Variants in SORCS3 observed in about 807,000 individuals in gnomAD.
The protein encoded by SORCS3 is sortilin related VPS10 domain containing receptor 3, also known as VPS10 domain-containing receptor SorCS3.
A neutral mutation model predicts 146.3 loss-of-function variants in SORCS3; 57 were observed. The ratio of observed to expected loss-of-function variants is 0.39; its 90% CI spans 0.31 to 0.49. The LOEUF is 0.49. Ranked by LOEUF, SORCS3 falls within the 20% of genes least tolerant of loss-of-function variation. The pLI is 0.92. For synonymous variants in SORCS3, 653 were observed against 618.5 expected (o/e 1.06, Z -0.83); for missense variants, 1,341 against 1,575.5 (o/e 0.85, Z 2.52).
At chr10:104,879,992 A>G (rs536239101) in intron 2 of SORCS3, among the ~76,000 whole-genome samples, 18 of 152,146 alleles carry the variant, frequency 1.2e-4, no homozygotes, top group Admixed American at 3.9e-4. Flanking sequence ...GCTGCTGGGG[A>G]TTCCACAGCT....
At chr10:104,925,006 C>T (rs1022531416) in intron 3 of SORCS3, among the ~76,000 whole-genome samples, 2 of 152,226 alleles carry the variant, frequency 1.3e-5, no homozygotes, top group East Asian at 1.9e-4. Context: ...CCTATCAACC[C>T]GTCATCTAGG....
intron 14 of SORCS3, among the ~76,000 whole-genome samples, chr10:105,195,027 A>G (rs2056536381): frequency 1.3e-5 from 2 of 152,212 alleles, no homozygotes; most frequent in Admixed American, 1.3e-4. Context: ...CAGTGTTGCC[A>G]GAGGAATCAC....
intron 17 of SORCS3, among the ~76,000 whole-genome samples, chr10:105,213,182 C>T (rs752043868): frequency 2.0e-5 from 3 of 151,994 alleles, no homozygotes; most frequent in African/African-American, 7.3e-5. Context: ...TGTATATATG[C>T]AAGAAAATAT....
intron 1 of SORCS3, among the ~76,000 whole-genome samples, chr10:104,730,077 T>C (rs771976228): frequency 7.2e-5 from 11 of 152,318 alleles, no homozygotes; most frequent in Non-Finnish European, 1.6e-4. Context: ...GTCCCTGCTA[T>C]TGGGAATGAA....
chr10:105,251,153 C>A (rs1212272348), intron 22 of SORCS3, among the ~76,000 whole-genome samples: 1 of 152,226 alleles, frequency 6.6e-6, no homozygotes, highest in African/African-American at 2.4e-5. Context: ...AACTGACTCA[C>A]AGTTCTGCAT....
intron 2 of SORCS3, among the ~76,000 whole-genome samples, chr10:104,851,642 C>T (rs1322494263): frequency 6.6e-6 from 1 of 151,982 alleles, no homozygotes; most frequent in African/African-American, 2.4e-5. Flanking sequence ...GATAGGTGGG[C>T]CCTTGGAATG....
chr10:104,963,020 G>A (rs2054805140), intron 3 of SORCS3, among the ~76,000 whole-genome samples: 1 of 152,076 alleles, frequency 6.6e-6, no homozygotes, highest in African/African-American at 2.4e-5. Flanking sequence ...CATTTTAATG[G>A]CTGCATAATA....
intron 14 of SORCS3, among the ~76,000 whole-genome samples, chr10:105,192,259 A>G (rs1203551510): frequency 6.6e-6 from 1 of 152,126 alleles, no homozygotes; most frequent in African/African-American, 2.4e-5. Flanking sequence ...TGCCCCTTTT[A>G]TCCTCCAATC....
At chr10:104,780,577 G>T (rs576777553) in intron 1 of SORCS3, among the ~76,000 whole-genome samples, 25 of 152,332 alleles carry the variant, frequency 1.6e-4, no homozygotes, top group African/African-American at 6.0e-4. Flanking sequence ...GCCCCTGTTT[G>T]GATCTGCAGG....
In SORCS3 at chr10:105,101,389, C is replaced by T. The variant is rs140652206; in HGVS notation, c.1094-4008C>T. Among the ~76,000 whole-genome samples the T allele has an allele frequency of 1.5e-3, 234 of 152,306 alleles. 3 individuals are homozygous for T. In the East Asian group the frequency reaches 0.037, roughly 24 times the overall value. Reference sequence around the variant, plus strand: ...TTCCCCATGCCCCTACTTCGGTTCTCTCCTGGCAGAGGGCACTGCGGCACT... The same window carrying T: ...TTCCCCATGCCCCTACTTCGGTTCTTTCCTGGCAGAGGGCACTGCGGCACT... On this transcript the variant is annotated intron_variant, in intron 6 of 26. Transcript: ENST00000369701.
rs531926901 is a variant in SORCS3, at chr10:105,044,459, T to C, written c.1028+1331T>C. 2.0e-5 allele frequency among the ~76,000 whole-genome samples: 3 copies of C among 152,260 alleles called. No homozygotes were observed. The South Asian group carries it at 6.2e-4, about 32-fold the overall frequency. ...ACTCATTCCGTATCTCTTATAAATA[T>C]CTTATGAACACTCCCTTAAAAACTC... On this transcript the variant is annotated intron_variant, in intron 5 of 26. Transcript: ENST00000369701.
At chr10:104,701,897 G>C (rs1229346577) in intron 1 of SORCS3, among the ~76,000 whole-genome samples, 1 of 151,990 alleles carries the variant, frequency 6.6e-6, no homozygotes, top group African/African-American at 2.4e-5. Flanking sequence ...TGCTATTGTT[G>C]ATGCTCATGT....
At chr10:105,242,522 TTA>T (rs1397486899) in intron 20 of SORCS3, among the ~76,000 whole-genome samples, 2 of 104,038 alleles carry the variant, frequency 1.9e-5, no homozygotes, top group African/African-American at 4.0e-5. Context: ...TTATATACAT[TTA>T]TATATATTTA....
chr10:104,866,514 G>T (rs778811823), intron 2 of SORCS3, among the ~76,000 whole-genome samples: 26 of 152,196 alleles, frequency 1.7e-4, no homozygotes, highest in Non-Finnish European at 2.4e-4. Context: ...TTTGGTGCTT[G>T]GAAAAATCTG....
At chr10:104,695,113 G>A (rs748712570) in intron 1 of SORCS3, among the ~76,000 whole-genome samples, 21 of 152,094 alleles carry the variant, frequency 1.4e-4, no homozygotes, top group Non-Finnish European at 2.6e-4. Flanking sequence ...GGGACAGTCA[G>A]ATCAGCTTTG....
At chr10:105,197,803 C>T (rs561366760) in intron 14 of SORCS3, among the ~76,000 whole-genome samples, 11 of 152,262 alleles carry the variant, frequency 7.2e-5, no homozygotes, top group Non-Finnish European at 1.0e-4. Context: ...TAGTCTGTCA[C>T]GACCTTATTG....
At chr10:104,930,105 G>A (rs2019191765) in intron 3 of SORCS3, among the ~76,000 whole-genome samples, 1 of 152,032 alleles carries the variant, frequency 6.6e-6, no homozygotes, top group African/African-American at 2.4e-5. Context: ...CGATCAGAAT[G>A]GGACATTTAA....
intron 7 of SORCS3, among the ~76,000 whole-genome samples, chr10:105,113,281 C>T (rs1422192609): frequency 6.6e-6 from 1 of 152,166 alleles, no homozygotes; most frequent in Non-Finnish European, 1.5e-5. Flanking sequence ...AATCTTTTCT[C>T]TGCATATTAA....
chr10:105,018,918 C>A (rs1448541178), intron 4 of SORCS3, among the ~76,000 whole-genome samples: 1 of 152,094 alleles, frequency 6.6e-6, no homozygotes, highest in Non-Finnish European at 1.5e-5. Context: ...TTCCTTATCT[C>A]CCCTAGTTGT....
Sources: gnomAD v4.1 joint callset for allele counts (sites outside exome capture counted in the v4.1 genomes callset) on GRCh38, gnomAD v4.1.1 for gene constraint, MANE v1.5 for transcripts, NCBI Gene and HGNC (gene_info 2026-07-23, HGNC 2026-07-21) for gene names.